Variants in C1QTNF8 observed in about 807,000 individuals in gnomAD.
The protein encoded by C1QTNF8 is C1q and TNF related 8, also known as complement C1q tumor necrosis factor-related protein 8.
C1QTNF8 carries 27 observed loss-of-function variants against 19.2 expected under a neutral mutation model. That is an observed-to-expected ratio of 1.41 (90% CI 1.04 to 1.94). The LOEUF (loss-of-function observed/expected upper bound fraction) is 1.94. C1QTNF8 is among the 30% of genes most tolerant of loss of function. C1QTNF8 has a pLI of 0.00. For missense variants in C1QTNF8, 484 were observed against 374.4 expected, an observed-to-expected ratio of 1.29 and a Z score of -2.42; for synonymous variants, 208 against 172.8, an observed-to-expected ratio of 1.20 and a Z score of -1.60.
chr16:1,090,984 C>T (rs1960532784), intron 4 of C1QTNF8, among the ~76,000 whole-genome samples: 1 of 152,200 alleles, frequency 6.6e-6, no homozygotes, highest in African/African-American at 2.4e-5. Context: ...TGGGGGCTGT[C>T]CTCTCACAGA....
chr16:1,094,578 AG>A, intron 3 of C1QTNF8, 136 bp downstream of exon 3: 1 of 628,198 alleles, frequency 1.6e-6, no homozygotes. Context: ...GTCCCTGTGC[AG>A]GGAGCGCTGC....
chr16:1,094,649 TC>T, intron 3 of C1QTNF8, 65 bp downstream of exon 3: 1 of 1,384,280 alleles, frequency 7.2e-7, no homozygotes, highest in Non-Finnish European at 9.9e-7. Flanking sequence ...CCCCAGGTGC[TC>T]CCCACTCCCT....
intron 4 of C1QTNF8, among the ~76,000 whole-genome samples, chr16:1,092,498 T>A (rs1484454608): frequency 7.1e-6 from 1 of 141,080 alleles, no homozygotes; most frequent in Non-Finnish European, 1.5e-5. Context: ...ACTCAACCAA[T>A]CCCTGCACAC....
At chr16:1,091,546 G>C (rs1207592590) in intron 4 of C1QTNF8, among the ~76,000 whole-genome samples, 1 of 152,152 alleles carries the variant, frequency 6.6e-6, no homozygotes, top group Non-Finnish European at 1.5e-5. Flanking sequence ...CCAGTGACCA[G>C]AGCTGGGCCA....
At chr16:1,092,410 T>A (rs112715481) in intron 4 of C1QTNF8, among the ~76,000 whole-genome samples, 24 of 101,760 alleles carry the variant, frequency 2.4e-4, no homozygotes, top group Admixed American at 8.5e-4. Flanking sequence ...CGGCGCTCAA[T>A]CAATCACTGC....
In C1QTNF8 at chr16:1,093,970, C is replaced by T; in HGVS notation, c.290G>A (p.Gly97Asp). 2 of 1,469,404 alleles carry T rather than the reference C, an allele frequency of 1.4e-6. No individual in the cohort carries two copies. The highest frequency in any genetic ancestry group is 1.8e-6 in the Non-Finnish European group (2 of 1,125,706). 91.0% of individuals were successfully genotyped at this position (1,469,404 alleles called of 1,614,324 possible). ...CACCTGCCCCTTCTGGCCTCTGCGG[C>T]CCTGCAGGCCCCGGGCGCCTGGCGG... ...EGPPGARGLQ[G>D]RRGQKGQVGP... The change falls in exon 4 of 5, where the codon GGC (glycine) becomes GAC (aspartate). Residue 97 changes from glycine (G) to aspartate (D), a missense_variant. Gly to Asp is a moderately conservative substitution (Grantham distance 94). Transcript: ENST00000328449.
chr16:1,089,520 AC>A lies in C1QTNF8; in HGVS notation c.*1078del, dbSNP rs1596241639. The stretch of plus-strand genomic sequence containing the variant: ...GAGGCCTTTGCGCACCCCCTGCTGC[AC>A]GGGAAGCTGAGGCGACAGGCAGAGC... On this transcript the variant is annotated 3_prime_UTR_variant, in exon 5 of 5. Transcript: ENST00000328449. Among the ~76,000 whole-genome samples, 2 of 152,160 alleles carry A rather than the reference AC, an allele frequency of 1.3e-5. No homozygotes were observed. The highest frequency in any genetic ancestry group is 3.9e-4 in the East Asian group (2 of 5,184).
At position 1,089,018 on chromosome 16, in the gene C1QTNF8, T is replaced by C. The variant is rs1960490302; in HGVS notation, c.*1581A>G. ...TGGCGTCTTCCCGGGACTCTCTTCC[T>C]CAGGACCACCTGCCACCCTGGCAGC... On this transcript the variant is annotated 3_prime_UTR_variant, in exon 5 of 5. Coordinates refer to ENST00000328449, the MANE Select transcript of C1QTNF8 (RefSeq NM_207419.3). Among the ~76,000 whole-genome samples the C allele has an allele frequency of 6.6e-6, 1 of 152,042 alleles. No individual in the cohort carries two copies. The highest frequency in any genetic ancestry group is 2.4e-5 in the African/African-American group (1 of 41,400).
Position 1,094,899 on chromosome 16 carries a change from G to A in C1QTNF8, c.24C>T (p.Leu8=), listed in dbSNP as rs767684502. Residue 8 remains leucine, a synonymous_variant, in exon 3 of 5, where the codon CTC becomes CTT. Coordinates refer to ENST00000328449, the MANE Select transcript of C1QTNF8 (RefSeq NM_207419.3). ...CCCCCACGGGCAGCAGCAGTGCTAG[G>A]AGCAGCAGGGCGGGGGCTGCCATCT... The part of the protein sequence containing the change: MAAPALL[L]LALLLPVGAW... The A allele has an allele frequency of 1.0e-5, 14 of 1,354,938 alleles. No individual in the cohort carries two copies. In the South Asian group the frequency reaches 2.4e-4, roughly 24 times the overall value. 83.9% of individuals were successfully genotyped at this position (1,354,938 alleles called of 1,614,324 possible). A position where few individuals can be genotyped will look rare whatever the true frequency, so the allele number is the denominator to read the frequency against.
chr16:1,095,039 G>A (rs370503073), intron 2 of C1QTNF8, 106 bp from the exon 3 acceptor site: 3 of 467,108 alleles, frequency 6.4e-6, no homozygotes, highest in African/African-American at 6.0e-5. Context: ...ACAGCCAGTG[G>A]AGGCGGGAGC....
chr16:1,091,879 C>T (rs1960551758), intron 4 of C1QTNF8, among the ~76,000 whole-genome samples: 1 of 150,940 alleles, frequency 6.6e-6, no homozygotes, highest in Admixed American at 6.6e-5. Context: ...GCCCCTCACA[C>T]CGCCTGGAAG....
At chr16:1,093,122 C>T (rs1960589888) in intron 4 of C1QTNF8, among the ~76,000 whole-genome samples, 1 of 146,096 alleles carries the variant, frequency 6.8e-6, no homozygotes, top group Non-Finnish European at 1.5e-5. Context: ...AATCCCTGCA[C>T]ACAGTCGGTG....
intron 2 of C1QTNF8, among the ~76,000 whole-genome samples, 178 bp from the exon 3 acceptor site, chr16:1,095,111 T>G (rs2151568020): frequency 6.6e-6 from 1 of 152,326 alleles, no homozygotes; most frequent in East Asian, 1.9e-4. Context: ...GCTCAGGGGC[T>G]GCTACACTCT....
chr16:1,093,374 G>GGCCCCC, intron 4 of C1QTNF8, 123 bp downstream of exon 4: 2 of 180,216 alleles, frequency 1.1e-5, no homozygotes, highest in East Asian at 1.5e-4. Flanking sequence ...TCCGCTGCCC[G>GGCCCCC]CCCACCCCAC....
At chr16:1,092,301 G>A (rs1360413786) in intron 4 of C1QTNF8, among the ~76,000 whole-genome samples, 1 of 144,184 alleles carries the variant, frequency 6.9e-6, no homozygotes, top group Non-Finnish European at 1.5e-5. Flanking sequence ...CACTCAATCA[G>A]TCCCTGCACA....
chr16:1,090,592 T>G lies in C1QTNF8; in HGVS notation c.*7A>C, dbSNP rs1234677883. 6.6e-6 allele frequency: 1 copy of G among 152,298 alleles called. No individual in the cohort carries two copies. The highest frequency in any genetic ancestry group is 1.5e-5 in the Non-Finnish European group (1 of 68,178). The allele number at this position is 152,298 out of a possible 1,614,324, so 9.4% of individuals were successfully genotyped here. Reference sequence around the variant, plus strand: ...CCCAGAGTCCCCACAGGCGGACGTCTGTCTGTAAGGAGGGGACGGCACTTC... The same window carrying G: ...CCCAGAGTCCCCACAGGCGGACGTCGGTCTGTAAGGAGGGGACGGCACTTC... On this transcript the variant is annotated splice_region_variant and 3_prime_UTR_variant, in exon 5 of 5. Coordinates refer to ENST00000328449, the MANE Select transcript of C1QTNF8 (RefSeq NM_207419.3).
chr16:1,095,291 T>C (rs1223717036), intron 2 of C1QTNF8, among the ~76,000 whole-genome samples: 1 of 152,166 alleles, frequency 6.6e-6, no homozygotes. Context: ...CCACTGTGGC[T>C]GGGCAGAGCC....
chr16:1,093,370 G>GCC, intron 4 of C1QTNF8, 127 bp downstream of exon 4: 2 of 417,556 alleles, frequency 4.8e-6, no homozygotes, highest in Non-Finnish European at 8.7e-6. Context: ...AAGCTCCGCT[G>GCC]CCCGCCCACC....
In C1QTNF8 at chr16:1,093,948, C is replaced by T; in HGVS notation, c.312G>A (p.Gln104=). The T allele has an allele frequency of 6.7e-7, 1 of 1,502,672 alleles. No individual in the cohort carries two copies. The highest frequency in any genetic ancestry group is 8.8e-7 in the Non-Finnish European group (1 of 1,137,516). The allele number at this position is 1,502,672 out of a possible 1,614,324, so 93.1% of individuals were successfully genotyped here. ...GLQGRRGQKG[Q]VGPPGAACRR... ...GGCACGCGGCGCCCGGCGGCCCCAC[C>T]TGCCCCTTCTGGCCTCTGCGGCCCT... Residue 104 remains glutamine, a synonymous_variant, in exon 4 of 5, where the codon CAG becomes CAA. Coordinates refer to ENST00000328449, the MANE Select transcript of C1QTNF8 (RefSeq NM_207419.3).
Sources: allele counts gnomAD v4.1 joint callset (sites outside exome capture counted in the v4.1 genomes callset), GRCh38; gene constraint gnomAD v4.1.1; transcripts MANE v1.5; gene names NCBI Gene and HGNC (gene_info 2026-07-23, HGNC 2026-07-21).